Variants in E4F1 observed in about 807,000 individuals in gnomAD.
E4F1 encodes E4F transcription factor 1.
In E4F1, 30 loss-of-function variants were observed where a neutral mutation model predicts 72.9. The observed-to-expected ratio is 0.41, with a 90% CI of 0.31 to 0.56. E4F1 has a LOEUF of 0.56. Among genes scored for constraint, E4F1 ranks in the 20% least tolerant of loss-of-function variants. The pLI, the probability that E4F1 is intolerant of heterozygous loss-of-function variation, is 0.25. For synonymous variants in E4F1, 542 were observed against 478.2 expected (o/e 1.13, Z -1.74); for missense variants, 1,091 against 1,117.5 (o/e 0.98, Z 0.34).
chr16:2,225,385 A>T (rs1193685602), intron 1 of E4F1, among the ~76,000 whole-genome samples: 1 of 149,496 alleles, frequency 6.7e-6, no homozygotes, highest in African/African-American at 2.5e-5. Context: ...TGTAACCCCA[A>T]CACTTTGGGA....
At chr16:2,225,239 T>A (rs1168122037) in intron 1 of E4F1, among the ~76,000 whole-genome samples, 1 of 152,010 alleles carries the variant, frequency 6.6e-6, no homozygotes, top group Non-Finnish European at 1.5e-5. Context: ...GTGTGTCATG[T>A]GCCGAGAGCA....
chr16:2,228,572 T>G (rs1451654544), intron 2 of E4F1, 49 bp downstream of exon 2: 3 of 1,589,038 alleles, frequency 1.9e-6, no homozygotes, highest in Non-Finnish European at 1.7e-6. Context: ...ACCTGACAGG[T>G]GGGGGAGGTG....
intron 4 of E4F1, 36 bp downstream of exon 4, chr16:2,232,400 C>G (rs747930778): frequency 6.2e-7 from 1 of 1,601,218 alleles, no homozygotes; most frequent in Admixed American, 1.7e-5. Flanking sequence ...GTGTGGGTGG[C>G]AGGCCCCCTC....
rs776811146 is a variant in E4F1, at chr16:2,234,566, G to C, written c.1594-17G>C. ...TTGTGGCCAAGGCCAGGCTGGCACT[G>C]ACAGGTGTCTCCACAGAACGCACAG... On this transcript the variant is annotated splice_polypyrimidine_tract_variant and intron_variant, in intron 10 of 13. Transcript: ENST00000301727. 2.6e-6 allele frequency: 4 copies of C among 1,568,080 alleles called. No homozygotes were observed. The highest frequency in any genetic ancestry group is 3.5e-6 in the Non-Finnish European group (4 of 1,156,084).
chr16:2,234,804 G>GGGGGA (rs1567305693), intron 11 of E4F1, 23 bp downstream of exon 11: 4 of 1,542,694 alleles, frequency 2.6e-6, no homozygotes, highest in East Asian at 2.5e-5. Context: ...GGAGGTGGGA[G>GGGGGA]GGGGAGGGGA....
intron 1 of E4F1, among the ~76,000 whole-genome samples, chr16:2,225,791 GAAAAAAAAA>G (rs766755916): frequency 1.5e-5 from 1 of 64,960 alleles, no homozygotes; most frequent in Non-Finnish European, 3.1e-5. Flanking sequence ...CTCTGTTTAG[GAAAAAAAAA>G]AAAAAAAAAA....
At position 2,235,587 on chromosome 16, in the gene E4F1, G is replaced by T. The variant is rs894978967; in HGVS notation, c.*15G>T. ...TCATCGTCTAGCATGAGGTCTGCGG[G>T]GTCCTGGCCGGGCAGGGACAGGGCA... is the stretch of plus-strand genomic sequence containing the variant. On this transcript the variant is annotated 3_prime_UTR_variant, in exon 14 of 14. Coordinates refer to ENST00000301727, the MANE Select transcript of E4F1 (RefSeq NM_004424.5). 6 of 1,565,198 alleles carry T rather than the reference G, an allele frequency of 3.8e-6. No homozygotes were observed. The East Asian group carries it at 1.1e-4, about 30-fold the overall frequency.
chr16:2,235,054 C>T, intron 12 of E4F1, 27 bp from the exon 13 acceptor site: 3 of 1,612,196 alleles, frequency 1.9e-6, no homozygotes, highest in East Asian at 2.2e-5. Flanking sequence ...CCAAGGCTGA[C>T]CTCTGTCCTT....
At chr16:2,233,352 A>G (rs1338725860) in intron 7 of E4F1, 86 bp from the exon 8 acceptor site, 10 of 1,430,874 alleles carry the variant, frequency 7.0e-6, no homozygotes, top group Non-Finnish European at 9.2e-6. Context: ...GGGTTTGCAC[A>G]AGGCTCCTGG....
chr16:2,224,456 C>T (rs564887396), intron 1 of E4F1, among the ~76,000 whole-genome samples: 8 of 152,312 alleles, frequency 5.3e-5, no homozygotes, highest in African/African-American at 1.4e-4. Context: ...TTGTTATTCT[C>T]ATTTTGGGGA....
intron 5 of E4F1, 41 bp downstream of exon 5, chr16:2,232,617 C>G: frequency 6.2e-7 from 1 of 1,608,670 alleles, no homozygotes. Context: ...GGTAGCACCC[C>G]GATGGTTGGC....
rs765492789 is a variant in E4F1 at position 2,235,378 on chromosome 16, G to A, written c.2161G>A (p.Glu721Lys). The A allele has an allele frequency of 6.2e-7, 1 of 1,610,742 alleles. No homozygotes were observed. The highest frequency in any genetic ancestry group is 8.5e-7 in the Non-Finnish European group (1 of 1,179,934). ...CATCGCCACCCCCGAGAGCCTGACA[G>A]AGCAGGTGGCCATGACGCTGGCCTC... ...ITIATPESLT[E>K]QVAMTLASAI... Residue 721 changes from glutamate (E) to lysine (K), a missense_variant, in exon 14 of 14, where the codon GAG becomes AAG. Around this residue, in one of 5 missense-constraint regions of E4F1, gnomAD observed 622 missense variants for 628.0 expected, o/e 0.99. Transcript: ENST00000301727.
chr16:2,229,885 G>C (rs2093456594), intron 3 of E4F1: 1 of 558,942 alleles, frequency 1.8e-6, no homozygotes, highest in South Asian at 2.0e-5. Flanking sequence ...CAGTGGCCGG[G>C]GGCACACCCA....
chr16:2,234,071 T>TC (rs1481335144), intron 9 of E4F1, 81 bp downstream of exon 9: 2 of 1,540,594 alleles, frequency 1.3e-6, no homozygotes, highest in Non-Finnish European at 1.8e-6. Context: ...CCAGGGTGGG[T>TC]CCATAGACAG....
At chr16:2,223,928 A>G in intron 1 of E4F1, 158 bp downstream of exon 1, 1 of 1,528,934 alleles carries the variant, frequency 6.5e-7, no homozygotes, top group African/African-American at 1.4e-5. Flanking sequence ...CGAAACCCCC[A>G]GGTTTGCTGC....
chr16:2,229,390 C>T (rs547365145), intron 2 of E4F1, among the ~76,000 whole-genome samples, 180 bp from the exon 3 acceptor site: 39 of 152,340 alleles, frequency 2.6e-4, no homozygotes, highest in South Asian at 6.2e-4. Flanking sequence ...GGACTGGGAC[C>T]GGTGGTCGTG....
chr16:2,224,075 C>T (rs1238865111), intron 1 of E4F1: 4 of 960,012 alleles, frequency 4.2e-6, no homozygotes, highest in Non-Finnish European at 4.3e-6. Context: ...CCCTTCTCTG[C>T]CTCCGATGCC....
At chr16:2,228,828 G>C (rs1437313670) in intron 2 of E4F1, among the ~76,000 whole-genome samples, 2 of 152,220 alleles carry the variant, frequency 1.3e-5, no homozygotes, top group Admixed American at 6.5e-5. Context: ...TACCATGGCA[G>C]CTTCTGTCTC....
chr16:2,235,178 C>T, intron 13 of E4F1, 35 bp downstream of exon 13: 1 of 1,610,486 alleles, frequency 6.2e-7, no homozygotes, highest in Non-Finnish European at 8.5e-7. Flanking sequence ...GGGGAGGCTC[C>T]CTGGCACAGC....
Sources: allele counts gnomAD v4.1 joint callset (sites outside exome capture counted in the v4.1 genomes callset), GRCh38; gene constraint gnomAD v4.1.1; regional missense constraint gnomAD v4.1.1; transcripts MANE v1.5; gene names NCBI Gene and HGNC (gene_info 2026-07-23, HGNC 2026-07-21).